MAGI2: variants seen among roughly 807,000 people sequenced by gnomAD.
MAGI2 encodes the protein membrane associated guanylate kinase, WW and PDZ domain containing 2.
In MAGI2, 35 loss-of-function variants were observed where a neutral mutation model predicts 133.3. The observed-to-expected ratio is 0.26, with a 90% CI of 0.20 to 0.35. The LOEUF (loss-of-function observed/expected upper bound fraction) is 0.35. Ranked by LOEUF, MAGI2 falls within the 10% of genes least tolerant of loss-of-function variation. The pLI, the probability that MAGI2 is intolerant of heterozygous loss-of-function variation, is 1.00. For synonymous variants in MAGI2, 729 were observed against 710.6 expected (o/e 1.03, Z -0.41); for missense variants, 1,636 against 1,863.4 (o/e 0.88, Z 2.25).
intron 19 of MAGI2, among the ~76,000 whole-genome samples, chr7:78,126,696 G>A (rs1396344892): frequency 6.6e-6 from 1 of 152,118 alleles, no homozygotes; most frequent in African/African-American, 2.4e-5. Context: ...GCTGTGGCAG[G>A]CGCTACACTC....
chr7:78,051,794 AG>A (rs140979452), intron 21 of MAGI2, among the ~76,000 whole-genome samples: 7,362 of 151,742 alleles, frequency 0.049, 412 homozygotes, highest in East Asian at 0.14. Context: ...CATGTTGGCC[AG>A]GCTGGTCTTG....
chr7:79,271,681 T>TTG (rs34937028), intron 1 of MAGI2, among the ~76,000 whole-genome samples: 1 of 151,426 alleles, frequency 6.6e-6, no homozygotes, highest in Admixed American at 6.6e-5. Context: ...TTTTTTTTTT[T>TTG]GTGAAGACTG....
chr7:79,303,565 T>C (rs1053379331), intron 1 of MAGI2, among the ~76,000 whole-genome samples: 1 of 152,208 alleles, frequency 6.6e-6, no homozygotes, highest in Admixed American at 6.5e-5. Context: ...TAGGAAGATA[T>C]ATCTTAAAGC....
At chr7:79,230,650 T>A (rs1364715001) in intron 1 of MAGI2, among the ~76,000 whole-genome samples, 1 of 150,676 alleles carries the variant, frequency 6.6e-6, no homozygotes, top group Non-Finnish European at 1.5e-5. Context: ...TTTGTTTTTT[T>A]CTTGTAAATT....
chr7:78,936,456 C>T (rs1016686261), intron 2 of MAGI2, among the ~76,000 whole-genome samples: 3 of 151,682 alleles, frequency 2.0e-5, no homozygotes, highest in South Asian at 2.1e-4. Flanking sequence ...CAAATATATA[C>T]GTTGTAAAAT....
chr7:78,729,979 C>G (rs1001034872), intron 2 of MAGI2, among the ~76,000 whole-genome samples: 1 of 152,142 alleles, frequency 6.6e-6, no homozygotes, highest in African/African-American at 2.4e-5. Context: ...AAAGTAATGA[C>G]ACCTTGTGAA....
At chr7:78,919,216 T>G (rs73144955) in intron 2 of MAGI2, among the ~76,000 whole-genome samples, 3,336 of 152,192 alleles carry the variant, frequency 0.022, 64 homozygotes, top group Non-Finnish European at 0.032. Flanking sequence ...ACTTATGCTT[T>G]TGTTGGACAA....
At chr7:79,127,741 C>T (rs1254885984) in intron 1 of MAGI2, among the ~76,000 whole-genome samples, 1 of 152,156 alleles carries the variant, frequency 6.6e-6, no homozygotes. Context: ...TTCTCCCATT[C>T]TGTAGGTTGC....
intron 2 of MAGI2, among the ~76,000 whole-genome samples, chr7:78,942,081 A>G (rs1801032344): frequency 6.6e-6 from 1 of 152,170 alleles, no homozygotes; most frequent in Non-Finnish European, 1.5e-5. Context: ...GTGGAAAGAA[A>G]AAATGTTATA....
In MAGI2 at chr7:78,256,313, T is replaced by A; in HGVS notation, c.1677A>T (p.Pro559=). The change falls in exon 10 of 22, where the codon CCA becomes CCT. Residue 559 remains proline (P), a synonymous_variant. Transcript: ENST00000354212. ...AATGAGGCGGCCGATCTGTTATATC[T>A]GGAACTGACTGTGAGGTCCGAGAAA... ...EYISRTSQSV[P]DITDRPPHSL... 2.5e-6 allele frequency: 4 copies of A among 1,614,120 alleles called. No individual in the cohort carries two copies. The highest frequency in any genetic ancestry group is 3.4e-6 in the Non-Finnish European group (4 of 1,180,006).
chr7:79,360,304 T>C (rs1376396354), intron 1 of MAGI2, among the ~76,000 whole-genome samples: 2 of 151,978 alleles, frequency 1.3e-5, no homozygotes, highest in East Asian at 3.9e-4. Context: ...TATCTTGGGG[T>C]AAACACTGCA....
intron 2 of MAGI2, among the ~76,000 whole-genome samples, chr7:78,929,898 A>G (rs1799006): frequency 0.32 from 48,026 of 151,934 alleles, 7,831 homozygotes; most frequent in South Asian, 0.42. Context: ...TATGCCTACA[A>G]ACCCAGCTAA....
intron 9 of MAGI2, among the ~76,000 whole-genome samples, chr7:78,278,177 A>G (rs946725158): frequency 6.6e-6 from 1 of 152,114 alleles, no homozygotes. Context: ...GAATTACAAA[A>G]AAACACACAA....
intron 1 of MAGI2, among the ~76,000 whole-genome samples, chr7:79,136,003 G>GAAAGAAAGAAAA (rs749343638): frequency 9.8e-5 from 4 of 40,890 alleles, no homozygotes; most frequent in African/African-American, 3.6e-4. Context: ...AAGAAAGAAA[G>GAAAGAAAGAAAA]AGAAAGAAAG....
Position 78,369,200 on chromosome 7 carries a change from G to T in MAGI2, c.1059C>A (p.Gly353=), listed in dbSNP as rs1414573954. ...AAATGGGATCATCGATTTTTTCCCAGCCATATGGAAGCTCTGAAAAATAAA... is the reference window on the plus strand; with the variant it reads ...AAATGGGATCATCGATTTTTTCCCATCCATATGGAAGCTCTGAAAAATAAA... ...EECKENELPY[G]WEKIDDPIYG... The change falls in exon 7 of 22, where the codon GGC becomes GGA. Residue 353 remains glycine (G), a synonymous_variant. Transcript: ENST00000354212. The T allele has an allele frequency of 6.2e-7, 1 of 1,601,812 alleles. No individual in the cohort carries two copies.
At chr7:78,573,049 A>G (rs867274571) in intron 3 of MAGI2, among the ~76,000 whole-genome samples, 29 of 87,920 alleles carry the variant, frequency 3.3e-4, no homozygotes, top group East Asian at 6.4e-4. Context: ...ATATATATAT[A>G]TATATATATA....
intron 2 of MAGI2, among the ~76,000 whole-genome samples, chr7:78,954,351 A>T (rs1447854556): frequency 6.6e-6 from 1 of 151,984 alleles, no homozygotes; most frequent in Non-Finnish European, 1.5e-5. Flanking sequence ...TTTCCTCTGA[A>T]GATAAGAATT....
chr7:78,636,640 T>C (rs1014308508), intron 2 of MAGI2, among the ~76,000 whole-genome samples: 4 of 151,722 alleles, frequency 2.6e-5, no homozygotes, highest in Admixed American at 6.6e-5. Context: ...CCACTAAAAA[T>C]ACAAAAAATT....
chr7:78,179,928 G>A (rs945641427), intron 13 of MAGI2, among the ~76,000 whole-genome samples: 4 of 152,170 alleles, frequency 2.6e-5, no homozygotes, highest in Non-Finnish European at 4.4e-5. Context: ...TTGGGAGTCT[G>A]GAGGCAGATG....
Sources: allele counts gnomAD v4.1 joint callset (sites outside exome capture counted in the v4.1 genomes callset), GRCh38; gene constraint gnomAD v4.1.1; transcripts MANE v1.5; gene names NCBI Gene and HGNC (gene_info 2026-07-23, HGNC 2026-07-21).